Variants in PAG1 observed in about 807,000 individuals in gnomAD.
The protein encoded by PAG1 is phosphoprotein associated with glycosphingolipid-enriched microdomains 1.
PAG1 carries 23 observed loss-of-function variants against 31.7 expected under a neutral mutation model. That is an observed-to-expected ratio of 0.73 (90% confidence interval 0.52 to 1.03). The LOEUF is 1.03. Among genes scored for constraint, PAG1 ranks in the 50% least tolerant of loss-of-function variants. The pLI is 0.00. For synonymous variants in PAG1, 214 were observed against 210.3 expected (o/e 1.02, Z -0.15); for missense variants, 473 against 540.7 (o/e 0.87, Z 1.24).
chr8:81,035,890 T>C (rs938409963), intron 2 of PAG1, among the ~76,000 whole-genome samples: 2 of 151,320 alleles, frequency 1.3e-5, no homozygotes, highest in African/African-American at 4.8e-5. Context: ...TGTGTATATA[T>C]GTATTAACAT....
At chr8:81,001,603 C>G (rs1387101827) in intron 3 of PAG1, among the ~76,000 whole-genome samples, 1 of 152,134 alleles carries the variant, frequency 6.6e-6, no homozygotes, top group Non-Finnish European at 1.5e-5. Flanking sequence ...AGTTTTGACT[C>G]ATAGGCTTGA....
At chr8:81,026,562 G>A (rs1808281930) in intron 3 of PAG1, among the ~76,000 whole-genome samples, 1 of 151,666 alleles carries the variant, frequency 6.6e-6, no homozygotes, top group Non-Finnish European at 1.5e-5. Flanking sequence ...GCTGCCTGCA[G>A]GCTCTCCCAG....
chr8:81,005,068 A>G (rs1010818460), intron 3 of PAG1, among the ~76,000 whole-genome samples: 3 of 152,230 alleles, frequency 2.0e-5, no homozygotes, highest in Non-Finnish European at 4.4e-5. Context: ...TGCATTCAAA[A>G]TCACACAGAA....
At chr8:80,997,591 C>G (rs1377103690) in intron 3 of PAG1, among the ~76,000 whole-genome samples, 1 of 152,204 alleles carries the variant, frequency 6.6e-6, no homozygotes, top group Non-Finnish European at 1.5e-5. Flanking sequence ...TCTTATCAGA[C>G]CACATGTGTA....
chr8:81,043,608 G>C (rs867825751), intron 2 of PAG1, among the ~76,000 whole-genome samples: 7 of 152,148 alleles, frequency 4.6e-5, no homozygotes. Context: ...TGTGCCAACG[G>C]ATATTTAGAT....
chr8:80,998,713 A>G (rs1807731836), intron 3 of PAG1, among the ~76,000 whole-genome samples: 1 of 152,206 alleles, frequency 6.6e-6, no homozygotes, highest in South Asian at 2.1e-4. Context: ...ATAAATAATA[A>G]TTTGGTAGAG....
At chr8:81,063,313 T>A (rs188879609) in intron 2 of PAG1, among the ~76,000 whole-genome samples, 27 of 152,140 alleles carry the variant, frequency 1.8e-4, no homozygotes, top group African/African-American at 5.1e-4. Context: ...AAAAGAAGTA[T>A]CTTTTTTCAT....
intron 1 of PAG1, among the ~76,000 whole-genome samples, chr8:81,108,113 A>G (rs1809721512): frequency 6.6e-6 from 1 of 152,254 alleles, no homozygotes; most frequent in South Asian, 2.1e-4. Flanking sequence ...TGAGAAATGA[A>G]ACAACTATAT....
chr8:81,108,837 G>C (rs888209856), intron 1 of PAG1, among the ~76,000 whole-genome samples: 3 of 152,334 alleles, frequency 2.0e-5, no homozygotes, highest in Admixed American at 6.5e-5. Flanking sequence ...TTAATGGTAA[G>C]TATAAATTAT....
chr8:81,058,123 T>C (rs1420823471), intron 2 of PAG1, among the ~76,000 whole-genome samples: 1 of 152,070 alleles, frequency 6.6e-6, no homozygotes, highest in African/African-American at 2.4e-5. Context: ...AATTGTTTGG[T>C]GAGAGATTTC....
At chr8:80,984,141 C>A (rs1244959205) in intron 7 of PAG1, among the ~76,000 whole-genome samples, 3 of 152,154 alleles carry the variant, frequency 2.0e-5, no homozygotes, top group African/African-American at 7.2e-5. Context: ...GAGATTTTAA[C>A]AACCAGGGAT....
intron 3 of PAG1, among the ~76,000 whole-genome samples, chr8:81,012,131 G>T (rs1253898834): frequency 6.6e-6 from 1 of 152,154 alleles, no homozygotes; most frequent in Non-Finnish European, 1.5e-5. Flanking sequence ...AATGTTAGTG[G>T]ACTCATTATA....
At chr8:81,082,170 T>C (rs1352442576) in intron 1 of PAG1, among the ~76,000 whole-genome samples, 2 of 150,462 alleles carry the variant, frequency 1.3e-5, no homozygotes, top group Admixed American at 6.6e-5. Flanking sequence ...TGAGAATTAC[T>C]TGAACCTAGC....
intron 7 of PAG1, among the ~76,000 whole-genome samples, chr8:80,981,892 G>A (rs931653536): frequency 4.2e-5 from 4 of 95,484 alleles, no homozygotes; most frequent in African/African-American, 1.4e-4. Flanking sequence ...TTTTGACAGC[G>A]TCTCACTCTG....
Position 80,976,110 on chromosome 8 carries a change from G to A in PAG1, c.*434C>T, listed in dbSNP as rs2130319042. Reference sequence around the variant, plus strand: ...ATCTGGACATTTCAAGGGGGAAAAAGCCTTAAAGTCAGTAGCAGACAGAGA... The same window carrying A: ...ATCTGGACATTTCAAGGGGGAAAAAACCTTAAAGTCAGTAGCAGACAGAGA... On this transcript the variant is annotated 3_prime_UTR_variant, in exon 9 of 9. Transcript: ENST00000220597. 6.3e-6 allele frequency: 1 copy of A among 159,792 alleles called. No individual in the cohort carries two copies. The highest frequency in any genetic ancestry group is 1.9e-4 in the South Asian group (1 of 5,296). The allele number at this position is 159,792 out of a possible 1,614,324, so 9.9% of individuals were successfully genotyped here.
chr8:81,106,519 C>T (rs1225781003), intron 1 of PAG1, among the ~76,000 whole-genome samples: 1 of 152,070 alleles, frequency 6.6e-6, no homozygotes, highest in Non-Finnish European at 1.5e-5. Flanking sequence ...ATTTTTAAAA[C>T]GTTTTTAATC....
chr8:81,083,744 T>C (rs1230167989), intron 1 of PAG1, among the ~76,000 whole-genome samples: 2 of 152,176 alleles, frequency 1.3e-5, no homozygotes, highest in African/African-American at 4.8e-5. Context: ...CAGGAATATA[T>C]GGGATCTCAG....
At position 80,972,928 on chromosome 8, in the gene PAG1, C is replaced by A. The variant is rs1807107495; in HGVS notation, c.*3616G>T. On this transcript the variant is annotated 3_prime_UTR_variant, in exon 9 of 9. Coordinates refer to ENST00000220597, the MANE Select transcript of PAG1 (RefSeq NM_018440.4). ...TGTGTCAGAGCCAAGTATATACACA[C>A]ACACACGTATACGTGTGTGTGTGTG... is the stretch of plus-strand genomic sequence containing the variant. 7.0e-6 allele frequency: 1 copy of A among 142,518 alleles called. No homozygotes were observed. The highest frequency in any genetic ancestry group is 1.5e-5 in the Non-Finnish European group (1 of 65,790). 8.8% of individuals were successfully genotyped at this position (142,518 alleles called of 1,614,324 possible).
chr8:81,090,526 G>C (rs958616566), intron 1 of PAG1, among the ~76,000 whole-genome samples: 1 of 152,338 alleles, frequency 6.6e-6, no homozygotes, highest in East Asian at 1.9e-4. Context: ...AGTCCAGTGG[G>C]AGAAAGAGAG....
Sources: gnomAD v4.1 joint callset for allele counts (sites outside exome capture counted in the v4.1 genomes callset) on GRCh38, gnomAD v4.1.1 for gene constraint, MANE v1.5 for transcripts, NCBI Gene and HGNC (gene_info 2026-07-23, HGNC 2026-07-21) for gene names.